Variants in NVL observed in about 807,000 individuals in gnomAD.
The protein encoded by NVL is nuclear VCP like, also known as nuclear valosin-containing protein-like.
Under a neutral mutation model 110.2 loss-of-function variants are expected in NVL, and 84 were observed. The ratio of observed to expected loss-of-function variants is 0.76; its 90% CI spans 0.64 to 0.91. NVL has a LOEUF of 0.91. Ranked by LOEUF, NVL falls within the 40% of genes least tolerant of loss-of-function variation. The pLI, the probability that NVL is intolerant of heterozygous loss-of-function variation, is 0.00. For missense variants in NVL, 882 were observed against 1,035.9 expected, an observed-to-expected ratio of 0.85 and a Z score of 2.04; for synonymous variants, 354 against 361.1, an observed-to-expected ratio of 0.98 and a Z score of 0.22.
chr1:224,252,340 A>G (rs1210602624), intron 18 of NVL, among the ~76,000 whole-genome samples: 1 of 152,064 alleles, frequency 6.6e-6, no homozygotes, highest in African/African-American at 2.4e-5. Context: ...CATTTTGACC[A>G]TTCCTGACTC....
rs545701394 is a variant in NVL, at chr1:224,286,109, G to T, written c.1816C>A (p.Gln606Lys). The T allele has an allele frequency of 1.2e-6, 2 of 1,613,978 alleles. No individual in the cohort carries two copies. The highest frequency in any genetic ancestry group is 2.7e-5 in the African/African-American group (2 of 75,008). Residue 606 changes from glutamine (Q) to lysine (K), a missense_variant, in exon 15 of 23, where the codon CAG becomes AAG. Coordinates refer to ENST00000281701, the MANE Select transcript of NVL (RefSeq NM_002533.4). Reference protein sequence around the residue: ...AILAPVRNPDQFKALGLVTPA... With the variant: ...AILAPVRNPDKFKALGLVTPA... Reference sequence around the variant, plus strand: ...GTCACCAATCCAAGAGCTTTGAACTGGTCTGGGTTGCGTACTGGTGCCTGG... The same window carrying T: ...GTCACCAATCCAAGAGCTTTGAACTTGTCTGGGTTGCGTACTGGTGCCTGG...
chr1:224,266,188 C>T (rs1244072725), intron 18 of NVL, among the ~76,000 whole-genome samples: 1 of 152,070 alleles, frequency 6.6e-6, no homozygotes, highest in South Asian at 2.1e-4. Flanking sequence ...TTCAATGAGG[C>T]TTTTTTGAGA....
chr1:224,241,988 C>A (rs1459691928), intron 19 of NVL, among the ~76,000 whole-genome samples: 1 of 151,682 alleles, frequency 6.6e-6, no homozygotes, highest in Non-Finnish European at 1.5e-5. Flanking sequence ...GCCAAGACCA[C>A]GCCATTGCAC....
chr1:224,228,546 A>T (rs991553331), intron 22 of NVL, among the ~76,000 whole-genome samples: 3 of 149,924 alleles, frequency 2.0e-5, no homozygotes, highest in African/African-American at 7.3e-5. Context: ...CTCATGATCC[A>T]CCCGCCTCGG....
rs77386096 is a variant in NVL at position 224,227,585 on chromosome 1, G to A, written c.*41C>T. On this transcript the variant is annotated 3_prime_UTR_variant, in exon 23 of 23. Transcript: ENST00000281701. ...CAGAGCGTGTGGGGGATTCTCTGCC[G>A]GCTTGATGGGCTAGCTCCTCTAAGC... 36,467 of 1,589,214 alleles carry A rather than the reference G, an allele frequency of 0.023. 502 individuals are homozygous for A. The highest frequency in any genetic ancestry group is 0.027 in the Non-Finnish European group (31,161 of 1,161,752).
chr1:224,321,653 G>A (rs1670654754), intron 2 of NVL, among the ~76,000 whole-genome samples: 1 of 151,894 alleles, frequency 6.6e-6, no homozygotes. Flanking sequence ...CTACTTGGGA[G>A]GCTGAGGCAG....
At chr1:224,231,352 GAACTT>G in intron 21 of NVL, 56 bp from the exon 22 acceptor site, 2 of 1,402,140 alleles carry the variant, frequency 1.4e-6, no homozygotes, top group Non-Finnish European at 2.0e-6. Flanking sequence ...AACTGACTTA[GAACTT>G]AACTTCCTTT....
intron 1 of NVL, among the ~76,000 whole-genome samples, chr1:224,326,841 T>C (rs1472956917): frequency 1.3e-5 from 2 of 152,170 alleles, no homozygotes; most frequent in Non-Finnish European, 2.9e-5. Context: ...ACTGCAGAAC[T>C]ACTAGCTTGA....
intron 17 of NVL, among the ~76,000 whole-genome samples, chr1:224,271,163 G>A (rs749144131): frequency 3.7e-4 from 57 of 152,164 alleles, no homozygotes; most frequent in African/African-American, 9.6e-4. Context: ...AAGTTATTAC[G>A]TACATGAGAA....
At chr1:224,239,939 C>T (rs1175544918) in intron 19 of NVL, among the ~76,000 whole-genome samples, 1 of 152,154 alleles carries the variant, frequency 6.6e-6, no homozygotes, top group Non-Finnish European at 1.5e-5. Context: ...CGCTGTGTCA[C>T]CAGGCTGGAG....
intron 10 of NVL, among the ~76,000 whole-genome samples, chr1:224,299,418 A>G (rs1036511262): frequency 2.0e-4 from 31 of 152,294 alleles, no homozygotes; most frequent in African/African-American, 7.2e-4. Context: ...TTCCTGATCC[A>G]CATGCTTTAC....
chr1:224,282,167 G>A (rs1319028519), intron 15 of NVL, among the ~76,000 whole-genome samples: 1 of 151,482 alleles, frequency 6.6e-6, no homozygotes, highest in Non-Finnish European at 1.5e-5. Flanking sequence ...CCAGGTTCAG[G>A]CAATCCTCTC....
In NVL at chr1:224,330,128, C is replaced by A; in HGVS notation, c.-1G>T. On this transcript the variant is annotated 5_prime_UTR_variant, in exon 1 of 23. Coordinates refer to ENST00000281701, the MANE Select transcript of NVL (RefSeq NM_002533.4). Reference sequence around the variant, plus strand: ...CGAACCCTGCAGGTCTGGGCTTCATCGCGTCGGTCTTCCAAGCCACAGCTC... The same window carrying A: ...CGAACCCTGCAGGTCTGGGCTTCATAGCGTCGGTCTTCCAAGCCACAGCTC... The A allele has an allele frequency of 6.2e-7, 1 of 1,614,022 alleles. No individual in the cohort carries two copies. The highest frequency in any genetic ancestry group is 8.5e-7 in the Non-Finnish European group (1 of 1,179,918).
intron 22 of NVL, 23 bp downstream of exon 22, chr1:224,231,203 A>G: frequency 5.2e-6 from 8 of 1,536,792 alleles, no homozygotes; most frequent in Non-Finnish European, 6.3e-6. Flanking sequence ...TCCTTTCTCT[A>G]TGCATTTAAT....
intron 18 of NVL, among the ~76,000 whole-genome samples, chr1:224,253,872 TTCAATCTTTTAGTTATTCTAAGGTTTG>T (rs1662837509): frequency 6.6e-6 from 1 of 152,210 alleles, no homozygotes; most frequent in Non-Finnish European, 1.5e-5. Flanking sequence ...AGCCAGTCTT[TTCAATCTTTTAGTTATTCTAAGGTTTG>T]TAGTGCTTAC....
intron 9 of NVL, 48 bp downstream of exon 9, chr1:224,303,671 CAAAT>C (rs1199971363): frequency 6.3e-7 from 1 of 1,574,862 alleles, no homozygotes; most frequent in East Asian, 2.3e-5. Context: ...AAAACAAAAA[CAAAT>C]AATAACAACA....
chr1:224,324,201 T>C (rs1670924671), intron 2 of NVL, among the ~76,000 whole-genome samples: 1 of 152,154 alleles, frequency 6.6e-6, no homozygotes, highest in African/African-American at 2.4e-5. Context: ...TTTAAACATA[T>C]CTAAACACAG....
intron 4 of NVL, among the ~76,000 whole-genome samples, chr1:224,316,775 A>G (rs1277861054): frequency 1.3e-5 from 2 of 152,128 alleles, no homozygotes; most frequent in African/African-American, 4.8e-5. Context: ...AAGGTTCAGT[A>G]TCTTGCTTAT....
intron 11 of NVL, among the ~76,000 whole-genome samples, chr1:224,294,632 T>G (rs1024381403): frequency 1.3e-5 from 2 of 152,078 alleles, no homozygotes; most frequent in African/African-American, 4.8e-5. Context: ...TGAGAAACAT[T>G]GAGTGTGTAA....
Sources: gnomAD v4.1 joint callset for allele counts (sites outside exome capture counted in the v4.1 genomes callset) on GRCh38, gnomAD v4.1.1 for gene constraint, MANE v1.5 for transcripts, NCBI Gene and HGNC (gene_info 2026-07-23, HGNC 2026-07-21) for gene names.